Variants in NRXN1 observed in about 807,000 individuals in gnomAD.
NRXN1 encodes the protein neurexin 1.
A neutral mutation model predicts 150.9 loss-of-function variants in NRXN1; 39 were observed. That is an observed-to-expected ratio of 0.26 (90% CI 0.20 to 0.34). The LOEUF is 0.34. Ranked by LOEUF, NRXN1 falls within the 10% of genes least tolerant of loss-of-function variation. The pLI is 1.00. For synonymous variants in NRXN1, 924 were observed against 757.0 expected (o/e 1.22, Z -3.62); for missense variants, 1,815 against 1,949.9 (o/e 0.93, Z 1.30).
chr2:50,793,917 T>C (rs947936130), intron 5 of NRXN1, among the ~76,000 whole-genome samples: 1 of 152,052 alleles, frequency 6.6e-6, no homozygotes, highest in African/African-American at 2.4e-5. Context: ...ATGTTTTCAC[T>C]GGGGGGCAAT....
chr2:50,961,543 C>T (rs940423744), intron 2 of NRXN1, among the ~76,000 whole-genome samples: 21 of 151,824 alleles, frequency 1.4e-4, no homozygotes, highest in Middle Eastern at 3.4e-3. Context: ...GAAAAAAACA[C>T]GGACTTTTAT....
intron 12 of NRXN1, among the ~76,000 whole-genome samples, chr2:50,521,366 T>C (rs549830068): frequency 6.6e-6 from 1 of 152,292 alleles, no homozygotes; most frequent in South Asian, 2.1e-4. Context: ...GTGAAGAATT[T>C]CCACAATTGT....
At chr2:50,330,129 G>GT (rs2076741338) in intron 17 of NRXN1, among the ~76,000 whole-genome samples, 2 of 151,824 alleles carry the variant, frequency 1.3e-5, no homozygotes, top group African/African-American at 4.8e-5. Context: ...TGCCATATTA[G>GT]TTTTTTTAAA....
At chr2:50,052,730 G>T (rs1002532602) in intron 21 of NRXN1, among the ~76,000 whole-genome samples, 1 of 151,998 alleles carries the variant, frequency 6.6e-6, no homozygotes, top group South Asian at 2.1e-4. Flanking sequence ...TAAACCAATA[G>T]AATGTTTTTT....
intron 18 of NRXN1, among the ~76,000 whole-genome samples, chr2:50,182,392 A>G (rs923706742): frequency 2.6e-5 from 4 of 152,178 alleles, no homozygotes; most frequent in Middle Eastern, 3.4e-3. Context: ...GGTGTTGGTA[A>G]AGCTGAATGG....
intron 2 of NRXN1, among the ~76,000 whole-genome samples, chr2:51,020,643 G>C (rs1469671233): frequency 6.6e-6 from 1 of 151,868 alleles, no homozygotes; most frequent in East Asian, 1.9e-4. Context: ...CTGTGAAGTA[G>C]GCTGGCATTA....
intron 8 of NRXN1, among the ~76,000 whole-genome samples, chr2:50,599,673 G>A (rs569160217): frequency 1.2e-4 from 18 of 152,086 alleles, no homozygotes; most frequent in Non-Finnish European, 1.5e-4. Flanking sequence ...CAATTTATTC[G>A]TCAGAATAAG....
intron 5 of NRXN1, among the ~76,000 whole-genome samples, chr2:50,827,657 G>A (rs377215505): frequency 6.6e-6 from 1 of 152,104 alleles, no homozygotes; most frequent in East Asian, 1.9e-4. Flanking sequence ...TCACAGAGGG[G>A]GACTTGGCAG....
At chr2:50,579,206 A>G (rs1671883118) in intron 8 of NRXN1, among the ~76,000 whole-genome samples, 1 of 152,220 alleles carries the variant, frequency 6.6e-6, no homozygotes, top group South Asian at 2.1e-4. Context: ...GGGCTACAGG[A>G]CCAGGAGGAA....
intron 18 of NRXN1, among the ~76,000 whole-genome samples, chr2:50,113,922 A>G (rs1318925724): frequency 6.6e-6 from 1 of 152,122 alleles, no homozygotes; most frequent in Non-Finnish European, 1.5e-5. Flanking sequence ...TACACAGGAG[A>G]CTATGTGGGA....
intron 8 of NRXN1, among the ~76,000 whole-genome samples, chr2:50,575,193 C>G (rs1035062831): frequency 9.9e-5 from 15 of 152,144 alleles, no homozygotes; most frequent in African/African-American, 3.4e-4. Flanking sequence ...TATTCAGTGC[C>G]TTTTCCCCCT....
chr2:50,283,819 G>T (rs1428454676), intron 17 of NRXN1, among the ~76,000 whole-genome samples: 1 of 152,012 alleles, frequency 6.6e-6, no homozygotes, highest in Non-Finnish European at 1.5e-5. Context: ...CCTATTAAAA[G>T]TCCCTCTCCC....
At chr2:50,446,260 T>G (rs1206342401) in intron 17 of NRXN1, among the ~76,000 whole-genome samples, 1 of 152,190 alleles carries the variant, frequency 6.6e-6, no homozygotes. Flanking sequence ...TACAATCCTA[T>G]GCAATGACCC....
At chr2:50,329,673 A>T (rs1000978787) in intron 17 of NRXN1, among the ~76,000 whole-genome samples, 9,426 of 28,754 alleles carry the variant, frequency 0.33, 1,413 homozygotes, top group Admixed American at 0.39. Context: ...ATATATATAT[A>T]TTTTTTTTTT....
intron 15 of NRXN1, among the ~76,000 whole-genome samples, chr2:50,481,009 C>T (rs1480003701): frequency 6.6e-6 from 1 of 152,148 alleles, no homozygotes; most frequent in Non-Finnish European, 1.5e-5. Flanking sequence ...ATTGTTATAT[C>T]TGGTTTTTGC....
intron 21 of NRXN1, among the ~76,000 whole-genome samples, chr2:49,948,355 A>T (rs1460484404): frequency 6.6e-6 from 1 of 152,092 alleles, no homozygotes; most frequent in African/African-American, 2.4e-5. Flanking sequence ...AAGATGTCAT[A>T]CAATGGTACT....
At chr2:50,644,463 T>C (rs933260181) in intron 5 of NRXN1, among the ~76,000 whole-genome samples, 2 of 151,532 alleles carry the variant, frequency 1.3e-5, no homozygotes, top group East Asian at 1.9e-4. Flanking sequence ...AAGAAATAAA[T>C]ACAAAAATTA....
chr2:50,266,542 C>T lies in NRXN1; in HGVS notation c.3365-29572G>A, dbSNP rs867898998. ...ATTTATATATGTATATAAATACACA[C>T]ACACACACACACACACACACACACA... On this transcript the variant is annotated intron_variant, in intron 17 of 22. Coordinates refer to ENST00000401669, the MANE Select transcript of NRXN1 (RefSeq NM_001330078.2). Among the ~76,000 whole-genome samples, 298 of 118,952 alleles carry T rather than the reference C, an allele frequency of 2.5e-3. 3 individuals are homozygous for T. Among genetic ancestry groups the T allele is most frequent in the African/African-American group, 8.2e-3 (246 of 29,940 alleles). The allele number at this position is 118,952 out of a possible 152,430, so 78.0% of individuals were successfully genotyped here.
chr2:50,530,542 G>A (rs1366375412), intron 11 of NRXN1, among the ~76,000 whole-genome samples: 2 of 152,126 alleles, frequency 1.3e-5, no homozygotes, highest in Non-Finnish European at 2.9e-5. Context: ...CTAGATTGGT[G>A]AGGTTTTACT....
Sources: gnomAD v4.1 joint callset for allele counts (sites outside exome capture counted in the v4.1 genomes callset) on GRCh38, gnomAD v4.1.1 for gene constraint, MANE v1.5 for transcripts, NCBI Gene and HGNC (gene_info 2026-07-23, HGNC 2026-07-21) for gene names.